The following ADAMTS19 variants were observed in gnomAD, a reference collection of about 807,000 sequenced individuals.
ADAMTS19 encodes A disintegrin and metalloproteinase with thrombospondin motifs 19.
In ADAMTS19, 93 loss-of-function variants were observed where a neutral mutation model predicts 153.3. That is an observed-to-expected ratio of 0.61 (90% CI 0.51 to 0.72). The LOEUF is 0.72. Among genes scored for constraint, ADAMTS19 ranks in the 30% least tolerant of loss-of-function variants. The pLI is 0.00. For synonymous variants in ADAMTS19, 600 were observed against 556.6 expected, an observed-to-expected ratio of 1.08 and a Z score of -1.10; for missense variants, 1,482 against 1,552.1, an observed-to-expected ratio of 0.95 and a Z score of 0.76.
At chr5:129,643,367 C>CAAAAAAAAAAAAAAA (rs556007087) in intron 11 of ADAMTS19, among the ~76,000 whole-genome samples, 3 of 40,338 alleles carry the variant, frequency 7.4e-5, no homozygotes, top group African/African-American at 2.2e-4. Context: ...GTTTCAAAGA[C>CAAAAAAAAAAAAAAA]AAAAAAAAAA....
chr5:129,465,444 A>T (rs1749824522), intron 2 of ADAMTS19, among the ~76,000 whole-genome samples: 1 of 151,698 alleles, frequency 6.6e-6, no homozygotes, highest in African/African-American at 2.4e-5. Flanking sequence ...CCAGATGATG[A>T]AGTGTAGATA....
intron 7 of ADAMTS19, among the ~76,000 whole-genome samples, chr5:129,586,642 A>G (rs1223241520): frequency 6.6e-6 from 1 of 152,198 alleles, no homozygotes; most frequent in Non-Finnish European, 1.5e-5. Context: ...ATGGACATAA[A>G]TTTTCAGCTG....
At chr5:129,689,735 T>C (rs1225128571) in intron 18 of ADAMTS19, among the ~76,000 whole-genome samples, 1 of 152,168 alleles carries the variant, frequency 6.6e-6, no homozygotes, top group Non-Finnish European at 1.5e-5. Flanking sequence ...TGTTTTTACA[T>C]TTTAAAGGTA....
Position 129,648,895 on chromosome 5 carries a change from T to C in ADAMTS19, c.2101T>C (p.Trp701Arg). The C allele has an allele frequency of 6.2e-7, 1 of 1,613,846 alleles. No homozygotes were observed. The highest frequency in any genetic ancestry group is 8.5e-7 in the Non-Finnish European group (1 of 1,179,802). Reference sequence around the variant, plus strand: ...TGCAGGTTTGCCTGGATTCAGAGACTGGCAATGTCAGGCTTATAGTGTTAG... The same window carrying C: ...TGCAGGTTTGCCTGGATTCAGAGACCGGCAATGTCAGGCTTATAGTGTTAG... ...CPAGLPGFRD[W>R]QCQAYSVRTS... The change falls in exon 13 of 23, where the codon TGG (tryptophan) becomes CGG (arginine). Residue 701 changes from tryptophan to arginine, a missense_variant. Around this residue, in one of 2 missense-constraint regions of ADAMTS19, gnomAD observed 616 missense variants for 724.4 expected, o/e 0.85. Transcript: ENST00000274487.
intron 2 of ADAMTS19, among the ~76,000 whole-genome samples, chr5:129,487,003 C>G (rs1039620477): frequency 3.9e-5 from 6 of 152,220 alleles, no homozygotes; most frequent in African/African-American, 1.4e-4. Context: ...TTCTGGCATC[C>G]TCTTACCCCC....
intron 7 of ADAMTS19, among the ~76,000 whole-genome samples, chr5:129,565,359 C>A (rs1017850356): frequency 6.6e-6 from 1 of 152,120 alleles, no homozygotes; most frequent in African/African-American, 2.4e-5. Flanking sequence ...AGAGTAATAA[C>A]CTTCATCTTG....
intron 21 of ADAMTS19, among the ~76,000 whole-genome samples, chr5:129,732,008 C>T (rs1757461313): frequency 6.6e-6 from 1 of 152,038 alleles, no homozygotes; most frequent in Non-Finnish European, 1.5e-5. Flanking sequence ...ACGGTATTTT[C>T]TCAGACAAAT....
In ADAMTS19 at chr5:129,616,000, C is replaced by T. The variant is rs1751504790; in HGVS notation, c.1479-4618C>T. On this transcript the variant is annotated intron_variant, in intron 8 of 22. Coordinates refer to ENST00000274487, the MANE Select transcript of ADAMTS19 (RefSeq NM_133638.6). ...GATAAACCTGTAATATAATGCACGA[C>T]AACGTCAAAAGGAATCTCTTTTTGT... 4.6e-5 allele frequency among the ~76,000 whole-genome samples: 7 copies of T among 152,064 alleles called. 1 individual carries two copies. The South Asian group carries it at 1.5e-3, about 32-fold the overall frequency.
rs548741117 is a variant in ADAMTS19, at chr5:129,563,705, C to G, written c.1372+11798C>G. On this transcript the variant is annotated intron_variant, in intron 7 of 22. Coordinates refer to ENST00000274487, the MANE Select transcript of ADAMTS19 (RefSeq NM_133638.6). Reference sequence around the variant, plus strand: ...GGTCTTCACATTTGTGAGAGATATGCTGTTATAATGCACTGCTCAGTGATT... The same window carrying G: ...GGTCTTCACATTTGTGAGAGATATGGTGTTATAATGCACTGCTCAGTGATT... Among the ~76,000 whole-genome samples the G allele has an allele frequency of 1.1e-4, 17 of 152,262 alleles. No individual in the cohort carries two copies. In the South Asian group the frequency reaches 3.5e-3, roughly 32 times the overall value.
chr5:129,536,947 A>C (rs1752456503), intron 6 of ADAMTS19, among the ~76,000 whole-genome samples: 1 of 151,702 alleles, frequency 6.6e-6, no homozygotes, highest in South Asian at 2.1e-4. Flanking sequence ...ATTAGGAGAT[A>C]TACCTAATGC....
At chr5:129,600,562 C>A (rs1402579554) in intron 8 of ADAMTS19, among the ~76,000 whole-genome samples, 1 of 151,854 alleles carries the variant, frequency 6.6e-6, no homozygotes, top group East Asian at 1.9e-4. Context: ...AGAACAAGTT[C>A]ATATATAGCT....
At chr5:129,696,605 T>C (rs993586659) in intron 19 of ADAMTS19, among the ~76,000 whole-genome samples, 1 of 152,186 alleles carries the variant, frequency 6.6e-6, no homozygotes, top group African/African-American at 2.4e-5. Flanking sequence ...TGAGAACATT[T>C]GCTGAAGGTG....
chr5:129,511,745 G>A (rs529111376), intron 3 of ADAMTS19, among the ~76,000 whole-genome samples: 18 of 151,904 alleles, frequency 1.2e-4, no homozygotes, highest in African/African-American at 4.1e-4. Context: ...GGATCAGACT[G>A]CCTGTGTTCA....
intron 2 of ADAMTS19, among the ~76,000 whole-genome samples, chr5:129,467,690 G>A (rs1016938076): frequency 6.6e-6 from 1 of 152,046 alleles, no homozygotes; most frequent in African/African-American, 2.4e-5. Context: ...TGGATTATAT[G>A]GTCACACAAA....
At chr5:129,567,006 G>A (rs1053331243) in intron 7 of ADAMTS19, among the ~76,000 whole-genome samples, 2 of 151,998 alleles carry the variant, frequency 1.3e-5, no homozygotes, top group African/African-American at 4.8e-5. Flanking sequence ...TGGAAGGTGC[G>A]AAAAAGAGCA....
rs143117587 is a variant in ADAMTS19, at chr5:129,648,936, G to A, written c.2142G>A (p.Lys714=). 141 of 1,611,414 alleles carry A rather than the reference G, an allele frequency of 8.8e-5. No homozygotes were observed. The highest frequency in any genetic ancestry group is 8.7e-4 in the African/African-American group (65 of 75,024). The change falls in exon 13 of 23, where the codon AAG becomes AAA. Residue 714 remains lysine, a synonymous_variant. Transcript: ENST00000274487. Reference sequence around the variant, plus strand: ...ATAGTGTTAGAACTTCCTCCCCAAAGCATATACTTCAGTGGCAAGCTGTCC... The same window carrying A: ...ATAGTGTTAGAACTTCCTCCCCAAAACATATACTTCAGTGGCAAGCTGTCC... ...QAYSVRTSSP[K]HILQWQAVLD...
intron 7 of ADAMTS19, among the ~76,000 whole-genome samples, chr5:129,592,675 A>G (rs1750197110): frequency 1.3e-5 from 2 of 152,142 alleles, no homozygotes; most frequent in Admixed American, 6.5e-5. Flanking sequence ...CTGACTTTAC[A>G]CTTGAGCAAA....
rs1484999199 is a variant in ADAMTS19, at chr5:129,526,347, A to G, written c.977A>G (p.Lys326Arg). The G allele has an allele frequency of 6.2e-7, 1 of 1,601,918 alleles. No homozygotes were observed. Among genetic ancestry groups the G allele is most frequent in the Non-Finnish European group, 8.5e-7 (1 of 1,175,040 alleles). Residue 326 changes from lysine (K) to arginine (R), a missense_variant, in exon 4 of 23, where the codon AAA (lysine) becomes AGA (arginine). By Grantham distance (26) the Lys-to-Arg change is conservative (BLOSUM62 2). Around this residue, in one of 2 missense-constraint regions of ADAMTS19, gnomAD observed 866 missense variants for 827.7 expected, o/e 1.05. Transcript: ENST00000274487. ...GGAAGAGGGAAACGATATTCATACA[A>G]ATTACCTCAAGAATACAACATAGAG... ...ESGRGKRYSY[K>R]LPQEYNIETV... is the part of the protein sequence containing the mutation.
intron 6 of ADAMTS19, among the ~76,000 whole-genome samples, chr5:129,545,427 A>G (rs1417267974): frequency 6.6e-6 from 1 of 152,226 alleles, no homozygotes; most frequent in African/African-American, 2.4e-5. Flanking sequence ...AGACATCAGA[A>G]TGAGAAGAAT....
Sources: allele counts gnomAD v4.1 joint callset (sites outside exome capture counted in the v4.1 genomes callset), GRCh38; gene constraint gnomAD v4.1.1; regional missense constraint gnomAD v4.1.1; transcripts MANE v1.5; gene names NCBI Gene and HGNC (gene_info 2026-07-23, HGNC 2026-07-21).